AFM: variants seen among roughly 807,000 people sequenced by gnomAD.
AFM encodes afamin, also known as alpha-Alb.
AFM carries 82 observed loss-of-function variants against 68.7 expected under a neutral mutation model. That is an observed-to-expected ratio of 1.19 (90% CI 1.00 to 1.43). The LOEUF is 1.43. AFM is among the 40% of genes most tolerant of loss of function. The pLI is 0.00. For synonymous variants in AFM, 250 were observed against 234.2 expected, an observed-to-expected ratio of 1.07 and a Z score of -0.61; for missense variants, 772 against 701.8, an observed-to-expected ratio of 1.10 and a Z score of -1.13.
intron 7 of AFM, among the ~76,000 whole-genome samples, chr4:73,489,350 T>C (rs1041708888): frequency 2.6e-5 from 4 of 152,244 alleles, no homozygotes; most frequent in African/African-American, 9.6e-5. Flanking sequence ...AAAAATTGTA[T>C]ATTCTCATGG....
intron 3 of AFM, 40 bp downstream of exon 3, chr4:73,484,430 G>GTCTTTCTTTCTCTT (rs1720808305): frequency 2.9e-6 from 4 of 1,367,172 alleles, no homozygotes; most frequent in Middle Eastern, 1.9e-4. Flanking sequence ...TTTATCTTAT[G>GTCTTTCTTTCTCTT]TCTTTCTTTC....
chr4:73,502,935 C>T, intron 13 of AFM, 115 bp from the exon 14 acceptor site: 1 of 988,054 alleles, frequency 1.0e-6, no homozygotes, highest in East Asian at 2.5e-5. Context: ...TTTCCCTGTA[C>T]AACGTGGGAA....
Position 73,481,850 on chromosome 4 carries a change from A to G in AFM, c.75A>G (p.Gln25=), listed in dbSNP as rs1435927509. 3 of 1,600,336 alleles carry G rather than the reference A, an allele frequency of 1.9e-6. No individual in the cohort carries two copies. The highest frequency in any genetic ancestry group is 2.7e-5 in the African/African-American group (2 of 74,400). ...FLTESLTLPT[Q]PRDIENFNST... ...CTGAATCCCTAACCCTGCCCACACA[A>G]CCTCGGGATATAGGTAAGAAATTTA... Residue 25 remains glutamine (Q), a synonymous_variant, in exon 1 of 15, where the codon CAA becomes CAG. Coordinates refer to ENST00000226355, the MANE Select transcript of AFM (RefSeq NM_001133.2).
chr4:73,482,581 AGTT>A (rs1720744638), intron 1 of AFM, among the ~76,000 whole-genome samples: 1 of 152,148 alleles, frequency 6.6e-6, no homozygotes, highest in Non-Finnish European at 1.5e-5. Context: ...GTCATTTCTG[AGTT>A]TTCCTGCTCC....
intron 7 of AFM, 41 bp downstream of exon 7, chr4:73,488,800 G>T: frequency 6.4e-7 from 1 of 1,570,064 alleles, no homozygotes; most frequent in Non-Finnish European, 8.6e-7. Flanking sequence ...GTGATTTTTG[G>T]CAATTATCAT....
intron 8 of AFM, 182 bp from the exon 9 acceptor site, chr4:73,495,118 G>T (rs2149345622): frequency 4.5e-6 from 2 of 448,058 alleles, no homozygotes; most frequent in East Asian, 3.4e-5. Flanking sequence ...CCATGGAAGA[G>T]AACTTTTGTA....
chr4:73,490,676 A>T (rs1057176933), intron 7 of AFM, among the ~76,000 whole-genome samples: 4 of 152,108 alleles, frequency 2.6e-5, no homozygotes, highest in Non-Finnish European at 2.9e-5. Context: ...CTGAATTAGG[A>T]TATAATTATA....
chr4:73,496,808 A>G (rs534754089), intron 9 of AFM, among the ~76,000 whole-genome samples: 10 of 152,302 alleles, frequency 6.6e-5, no homozygotes, highest in Non-Finnish European at 1.0e-4. Flanking sequence ...TTCTGAATAC[A>G]TATTAGAGAA....
rs376119920 is a variant in AFM, at chr4:73,491,887, C to A, written c.859C>A (p.His287Asn). 3.1e-6 allele frequency: 5 copies of A among 1,612,822 alleles called. 1 individual carries two copies. The highest frequency in any genetic ancestry group is 1.1e-5 in the South Asian group (1 of 90,842). ...CIRDTSKVMN[H>N]ICSKQDSISS... ...TTTGGTACAGAGCAAGGTTATGAAC[C>A]ATATTTGTTCAAAACAAGATTCTAT... The change falls in exon 8 of 15, where the codon CAT (histidine) becomes AAT (asparagine). Residue 287 changes from histidine to asparagine, a missense_variant. Coordinates refer to ENST00000226355, the MANE Select transcript of AFM (RefSeq NM_001133.2).
intron 1 of AFM, among the ~76,000 whole-genome samples, chr4:73,483,679 G>A (rs546619587): frequency 3.2e-4 from 48 of 152,310 alleles, no homozygotes; most frequent in Admixed American, 5.2e-4. Flanking sequence ...GCCATCAATG[G>A]CAAATTTAAA....
chr4:73,486,535 A>G (rs1433066143), intron 4 of AFM, among the ~76,000 whole-genome samples: 1 of 152,240 alleles, frequency 6.6e-6, no homozygotes, highest in East Asian at 1.9e-4. Context: ...TCACAAATTT[A>G]TCTGAAAAAA....
chr4:73,483,987 C>T lies in AFM; in HGVS notation c.135C>T (p.Tyr45=). ...TQKFIEDNIE[Y]ITIIAFAQYV... ...AATTTATAGAAGATAATATTGAATA[C>T]ATGTGAGTTGTGCTAAATACTTTTT... Residue 45 remains tyrosine, a splice_region_variant and synonymous_variant, in exon 2 of 15, where the codon TAC becomes TAT. Transcript: ENST00000226355. The T allele has an allele frequency of 3.3e-6, 5 of 1,521,890 alleles. No individual in the cohort carries two copies. In the South Asian group the frequency reaches 6.0e-5, roughly 18 times the overall value. The allele number at this position is 1,521,890 out of a possible 1,614,324, so 94.3% of individuals were successfully genotyped here.
chr4:73,487,335 T>A (rs1303434204), intron 5 of AFM, among the ~76,000 whole-genome samples: 1 of 152,186 alleles, frequency 6.6e-6, no homozygotes, highest in East Asian at 1.9e-4. Context: ...GTTTTCTTTG[T>A]AAATTGGAAG....
intron 6 of AFM, 67 bp from the exon 7 acceptor site, chr4:73,488,563 C>T: frequency 7.0e-7 from 1 of 1,427,500 alleles, no homozygotes; most frequent in Non-Finnish European, 9.6e-7. Context: ...ATCATATTAG[C>T]AAATTACTCC....
Position 73,497,676 on chromosome 4 carries a change from G to T in AFM, c.1216G>T (p.Glu406Ter). The stretch of plus-strand genomic sequence containing the variant: ...GGAAGACAAATTCAATGAGACAACT[G>T]AGAAAAGCCTCAAGATGGTACAACA... ...YAEDKFNETTEKSLKMVQQEC... is the reference protein window; with the variant it reads ...YAEDKFNETT The change falls in exon 10 of 15, where the codon GAG (glutamate) becomes TAG (stop). Residue 406 changes from glutamate (E) to a stop codon, truncating the protein, a stop_gained. Transcript: ENST00000226355. LOFTEE classifies it high-confidence loss of function. 6.2e-7 allele frequency: 1 copy of T among 1,607,398 alleles called. No homozygotes were observed.
chr4:73,495,159 A>G lies in AFM; in HGVS notation c.1059-141A>G, dbSNP rs1208122011. 8.8e-6 allele frequency: 6 copies of G among 683,196 alleles called. No homozygotes were observed. The Admixed American group carries it at 9.3e-5, about 11-fold the overall frequency. The allele number at this position is 683,196 out of a possible 1,614,324, so 42.3% of individuals were successfully genotyped here. On this transcript the variant is annotated intron_variant, in intron 8 of 14. Transcript: ENST00000226355. ...ATCTATAGCCAAAATGTCCTCTTAA[A>G]TTACTCTGTGACCAAGACAGAGGAG...
chr4:73,489,438 A>G (rs1423840392), intron 7 of AFM, among the ~76,000 whole-genome samples: 3 of 152,164 alleles, frequency 2.0e-5, no homozygotes, highest in African/African-American at 4.8e-5. Context: ...ATGCACACAC[A>G]TTGTGGAATG....
rs1721292089 is a variant in AFM, at chr4:73,497,592, T to A, written c.1192-60T>A. ...AGAAATGCTATTCTACACATTGATG[T>A]AAAGCTTATGGTTAAATTTTAGATA... On this transcript the variant is annotated intron_variant, in intron 9 of 14. Coordinates refer to ENST00000226355, the MANE Select transcript of AFM (RefSeq NM_001133.2). The A allele has an allele frequency of 1.7e-6, 2 of 1,151,556 alleles. 1 individual carries two copies. Among genetic ancestry groups the A allele is most frequent in the South Asian group, 2.9e-5 (2 of 69,432 alleles). 71.3% of individuals were successfully genotyped at this position (1,151,556 alleles called of 1,614,324 possible).
At position 73,493,594 on chromosome 4, in the gene AFM, A is replaced by C. The variant is rs1721162254; in HGVS notation, c.1058+1508A>C. Among the ~76,000 whole-genome samples, 4 of 152,206 alleles carry C rather than the reference A, an allele frequency of 2.6e-5. No individual in the cohort carries two copies. The South Asian group carries it at 8.3e-4, about 32-fold the overall frequency. On this transcript the variant is annotated intron_variant, in intron 8 of 14. Coordinates refer to ENST00000226355, the MANE Select transcript of AFM (RefSeq NM_001133.2). ...TCTACTAACCAACCAAATTTTAAAA[A>C]CAACCCTCTGAAGTTAGTATACTTT...
Sources: allele counts gnomAD v4.1 joint callset (sites outside exome capture counted in the v4.1 genomes callset), GRCh38; gene constraint gnomAD v4.1.1; transcripts MANE v1.5; gene names NCBI Gene and HGNC (gene_info 2026-07-23, HGNC 2026-07-21).